The following ZNF385D variants were observed in gnomAD, a reference collection of about 807,000 sequenced individuals.
ZNF385D encodes zinc finger protein 659.
In ZNF385D, 15 loss-of-function variants were observed where a neutral mutation model predicts 35.8. That is an observed-to-expected ratio of 0.42 (90% CI 0.28 to 0.64). The LOEUF (loss-of-function observed/expected upper bound fraction) is 0.64, where lower values mean the gene tolerates loss of function less well. Among genes scored for constraint, ZNF385D ranks in the 30% least tolerant of loss-of-function variants. The pLI, the probability that ZNF385D is intolerant of heterozygous loss-of-function variation, is 0.23. For synonymous variants in ZNF385D, 212 were observed against 186.8 expected (o/e 1.13, Z -1.10); for missense variants, 474 against 494.6 (o/e 0.96, Z 0.39).
intron 3 of ZNF385D, among the ~76,000 whole-genome samples, chr3:21,910,255 A>C (rs1699898154): frequency 6.6e-6 from 1 of 151,982 alleles, no homozygotes; most frequent in South Asian, 2.1e-4. Context: ...TTTGCCAGGC[A>C]TTATATCTGT....
At chr3:21,782,358 G>C (rs199902658) in intron 3 of ZNF385D, among the ~76,000 whole-genome samples, 3 of 152,198 alleles carry the variant, frequency 2.0e-5, no homozygotes, top group East Asian at 3.9e-4. Context: ...AGGAAATTCA[G>C]GAGTCAGAGA....
At chr3:22,335,900 G>T (rs1167417906) in intron 2 of ZNF385D, among the ~76,000 whole-genome samples, 7 of 151,982 alleles carry the variant, frequency 4.6e-5, no homozygotes, top group Non-Finnish European at 1.0e-4. Flanking sequence ...GTACATCTGG[G>T]TGTTTAGTAT....
chr3:21,857,649 G>A (rs1696800730), intron 3 of ZNF385D, among the ~76,000 whole-genome samples: 1 of 151,810 alleles, frequency 6.6e-6, no homozygotes, highest in African/African-American at 2.4e-5. Context: ...AAAGAAAATG[G>A]CCCCAGTCAC....
At chr3:21,895,696 G>T (rs1425226872) in intron 3 of ZNF385D, among the ~76,000 whole-genome samples, 1 of 151,878 alleles carries the variant, frequency 6.6e-6, no homozygotes, top group Non-Finnish European at 1.5e-5. Flanking sequence ...AAAGTATAGT[G>T]GCAGTATGCA....
At chr3:22,120,361 G>C (rs987121273) in intron 3 of ZNF385D, among the ~76,000 whole-genome samples, 2 of 152,034 alleles carry the variant, frequency 1.3e-5, no homozygotes, top group African/African-American at 2.4e-5. Flanking sequence ...CATTTTCTTT[G>C]TGTGCTGCAT....
At chr3:22,145,625 T>C (rs767859296) in intron 3 of ZNF385D, among the ~76,000 whole-genome samples, 1 of 152,180 alleles carries the variant, frequency 6.6e-6, no homozygotes, top group Non-Finnish European at 1.5e-5. Flanking sequence ...ATATATGCGA[T>C]TTTGGGGTTT....
intron 3 of ZNF385D, among the ~76,000 whole-genome samples, chr3:21,920,553 G>T (rs1325044492): frequency 6.8e-6 from 1 of 147,212 alleles, no homozygotes; most frequent in Non-Finnish European, 1.5e-5. Flanking sequence ...AGCAAGCCCT[G>T]AAAGTGACTG....
At chr3:21,957,736 T>C (rs1375993783) in intron 3 of ZNF385D, among the ~76,000 whole-genome samples, 1 of 152,134 alleles carries the variant, frequency 6.6e-6, no homozygotes, top group African/African-American at 2.4e-5. Flanking sequence ...TACATGGATT[T>C]TCCCTCATGG....
intron 3 of ZNF385D, among the ~76,000 whole-genome samples, chr3:22,027,120 C>G (rs1697607522): frequency 1.3e-5 from 2 of 152,192 alleles, no homozygotes; most frequent in Non-Finnish European, 2.9e-5. Flanking sequence ...ACTGTCCTAC[C>G]TCAGGGGTGT....
At chr3:22,348,386 G>A (rs1393055145) in intron 2 of ZNF385D, among the ~76,000 whole-genome samples, 2 of 150,272 alleles carry the variant, frequency 1.3e-5, no homozygotes, top group African/African-American at 4.9e-5. Context: ...CGTGGCTCAT[G>A]CCTGTAATCC....
chr3:21,685,624 C>A (rs1472659328), intron 1 of ZNF385D, among the ~76,000 whole-genome samples: 3 of 152,090 alleles, frequency 2.0e-5, no homozygotes, highest in Non-Finnish European at 2.9e-5. Flanking sequence ...GATGTTGAAA[C>A]CAAATGGTCT....
intron 2 of ZNF385D, among the ~76,000 whole-genome samples, chr3:21,592,731 C>G (rs2064019421): frequency 6.6e-6 from 1 of 152,092 alleles, no homozygotes; most frequent in Non-Finnish European, 1.5e-5. Flanking sequence ...ATTTGAATCC[C>G]AGCAACAGGT....
chr3:22,029,592 G>C (rs1274722043), intron 3 of ZNF385D, among the ~76,000 whole-genome samples: 1 of 152,136 alleles, frequency 6.6e-6, no homozygotes, highest in Non-Finnish European at 1.5e-5. Context: ...TTCTTCTTTT[G>C]TTAAAAACAT....
At chr3:21,436,819 C>T (rs756668328) in intron 5 of ZNF385D, 151 bp downstream of exon 5, 26 of 782,378 alleles carry the variant, frequency 3.3e-5, no homozygotes, top group South Asian at 5.7e-5. Flanking sequence ...ACACTTTGCT[C>T]GTCATTTTTA....
chr3:21,454,663 CT>C (rs1228476381), intron 4 of ZNF385D, among the ~76,000 whole-genome samples: 1 of 152,120 alleles, frequency 6.6e-6, no homozygotes, highest in Admixed American at 6.6e-5. Context: ...GAAACATTCC[CT>C]TTGAAAACTG....
At chr3:21,919,726 G>A (rs1700361910) in intron 3 of ZNF385D, among the ~76,000 whole-genome samples, 1 of 152,152 alleles carries the variant, frequency 6.6e-6, no homozygotes, top group African/African-American at 2.4e-5. Context: ...CTACCATCCT[G>A]CAGAACCAGC....
At chr3:21,820,205 T>G (rs1312143040) in intron 3 of ZNF385D, among the ~76,000 whole-genome samples, 4 of 151,874 alleles carry the variant, frequency 2.6e-5, no homozygotes, top group African/African-American at 7.2e-5. Context: ...AGATTGATAT[T>G]TATTCTAGTC....
At chr3:21,583,633 T>A (rs1310768804) in intron 2 of ZNF385D, among the ~76,000 whole-genome samples, 1 of 152,102 alleles carries the variant, frequency 6.6e-6, no homozygotes, top group East Asian at 1.9e-4. Context: ...GAATTTAATA[T>A]GTATATTCTG....
At position 21,435,255 on chromosome 3, in the gene ZNF385D, A is replaced by ATTTTT. The variant is rs3064965; in HGVS notation, c.673+1710_673+1714dup. ...AAGAATTCAAGAAGAACAACTCCCAATTTTTTTTTTTTTTTTTTTTTTGAG... is the reference window on the plus strand; with the variant it reads ...AAGAATTCAAGAAGAACAACTCCCAATTTTTTTTTTTTTTTTTTTTTTTTTTTGAG... On this transcript the variant is annotated intron_variant, in intron 5 of 7. Transcript: ENST00000281523. Among the ~76,000 whole-genome samples the ATTTTT allele has an allele frequency of 7.4e-3, 843 of 113,364 alleles. 29 individuals are homozygous for ATTTTT. The highest frequency in any genetic ancestry group is 0.055 in the Admixed American group (521 of 9,428). 74.4% of individuals were successfully genotyped at this position (113,364 alleles called of 152,430 possible). A position where few individuals can be genotyped will look rare whatever the true frequency, so the allele number is the denominator to read the frequency against.
Sources: gnomAD v4.1 joint callset for allele counts (sites outside exome capture counted in the v4.1 genomes callset) on GRCh38, gnomAD v4.1.1 for gene constraint, MANE v1.5 for transcripts, NCBI Gene and HGNC (gene_info 2026-07-23, HGNC 2026-07-21) for gene names.